Variants in GSR observed in about 807,000 individuals in gnomAD.
The protein encoded by GSR is glutathione-disulfide reductase, also known as glutathione reductase, mitochondrial.
In GSR, 48 loss-of-function variants were observed where a neutral mutation model predicts 56.5. The observed-to-expected ratio is 0.85, with a 90% CI of 0.67 to 1.08. The LOEUF is 1.08. GSR is among the 50% of genes least tolerant of loss of function. The probability of loss-of-function intolerance (pLI) is 0.00; values close to 1 mark genes in which losing one functional copy is unlikely to be tolerated. For missense variants in GSR, 694 were observed against 703.3 expected, an observed-to-expected ratio of 0.99 and a Z score of 0.15; for synonymous variants, 264 against 270.8, an observed-to-expected ratio of 0.97 and a Z score of 0.25.
chr8:30,699,992 A>G (rs1803674131), intron 6 of GSR, 89 bp downstream of exon 6: 1 of 926,520 alleles, frequency 1.1e-6, no homozygotes, highest in Non-Finnish European at 1.8e-6. Flanking sequence ...AAAGGCCTAC[A>G]TTAAATGCTT....
chr8:30,709,698 T>G, intron 3 of GSR, 116 bp downstream of exon 3: 1 of 718,252 alleles, frequency 1.4e-6, no homozygotes, highest in East Asian at 2.7e-5. Flanking sequence ...ACTGTAAATC[T>G]CGTATTGTGA....
chr8:30,708,946 G>A, intron 3 of GSR, among the ~76,000 whole-genome samples: 1 of 135,724 alleles, frequency 7.4e-6, no homozygotes, highest in Admixed American at 7.8e-5. Flanking sequence ...GTGACAGAGT[G>A]AGACTCCGTC....
At chr8:30,719,803 C>T (rs1355227829) in intron 1 of GSR, among the ~76,000 whole-genome samples, 1 of 152,142 alleles carries the variant, frequency 6.6e-6, no homozygotes, top group African/African-American at 2.4e-5. Context: ...GGGCCTGCCT[C>T]GTTACCTTCA....
intron 6 of GSR, 102 bp downstream of exon 6, chr8:30,699,979 A>C (rs1803672425): frequency 1.2e-6 from 1 of 840,530 alleles, no homozygotes; most frequent in Non-Finnish European, 2.1e-6. Flanking sequence ...GAGGGAATTC[A>C]GGAAAGGCCT....
Position 30,680,943 on chromosome 8 carries a change from T to C in GSR, c.1380A>G (p.Lys460=). 1 of 1,613,708 alleles carries C rather than the reference T, an allele frequency of 6.2e-7. No homozygotes were observed. Among genetic ancestry groups the C allele is most frequent in the South Asian group, 1.1e-5 (1 of 91,076 alleles). Residue 460 remains lysine (K), a synonymous_variant, in exon 12 of 13, where the codon AAA becomes AAG. Transcript: ENST00000221130. ...MYHAVTKRKT[K]CVMKMVCANK... is the part of the protein sequence containing the mutation. The stretch of plus-strand genomic sequence containing the variant: ...TAGCACAGACCATTTTCATCACACA[T>C]TTTGTTTTCCTTTTGGTAACTGCGT...
chr8:30,682,180 T>C lies in GSR; in HGVS notation c.1154-119A>G, dbSNP rs1586031980. The C allele has an allele frequency of 7.2e-6, 6 of 831,022 alleles. No individual in the cohort carries two copies. In the South Asian group the frequency reaches 8.1e-5, roughly 11 times the overall value. The allele number at this position is 831,022 out of a possible 1,614,324, so 51.5% of individuals were successfully genotyped here. ...CCTAGTTCTGACAGTTTCACACCAT[T>C]GTTCATTACACTATCTAGATAGTTT... On this transcript the variant is annotated intron_variant, in intron 10 of 12. Coordinates refer to ENST00000221130, the MANE Select transcript of GSR (RefSeq NM_000637.5).
chr8:30,722,168 T>C (rs980371408), intron 1 of GSR, among the ~76,000 whole-genome samples: 6 of 152,162 alleles, frequency 3.9e-5, no homozygotes, highest in Non-Finnish European at 8.8e-5. Context: ...ATATGAAGAC[T>C]AGTACAAAAA....
chr8:30,723,260 G>T (rs752324228), intron 1 of GSR, among the ~76,000 whole-genome samples: 1 of 152,062 alleles, frequency 6.6e-6, no homozygotes, highest in African/African-American at 2.4e-5. Flanking sequence ...GACTTTGGGC[G>T]ATCTTTGCAT....
intron 6 of GSR, among the ~76,000 whole-genome samples, chr8:30,697,369 G>A (rs1803580131): frequency 6.6e-6 from 1 of 151,406 alleles, no homozygotes; most frequent in South Asian, 2.1e-4. Flanking sequence ...AGCCAAGATT[G>A]CACCAATGCA....
intron 9 of GSR, among the ~76,000 whole-genome samples, chr8:30,686,029 T>A (rs1332827153): frequency 6.9e-6 from 1 of 144,286 alleles, no homozygotes; most frequent in Non-Finnish European, 1.5e-5. Context: ...CAACCTTTGG[T>A]ACAGACAGAC....
intron 6 of GSR, among the ~76,000 whole-genome samples, chr8:30,698,948 C>T (rs1470718314): frequency 6.6e-6 from 1 of 152,160 alleles, no homozygotes; most frequent in Admixed American, 6.6e-5. Flanking sequence ...ACAGCAACTT[C>T]AAATCAGAGA....
At chr8:30,697,057 GCA>G (rs1803567674) in intron 6 of GSR, among the ~76,000 whole-genome samples, 1 of 151,232 alleles carries the variant, frequency 6.6e-6, no homozygotes, top group Non-Finnish European at 1.5e-5. Flanking sequence ...GGATACCACT[GCA>G]ACTTTAAGTA....
chr8:30,714,397 C>T (rs1437574570), intron 1 of GSR, among the ~76,000 whole-genome samples: 2 of 151,864 alleles, frequency 1.3e-5, no homozygotes, highest in East Asian at 3.9e-4. Flanking sequence ...GACAGAGTCG[C>T]ACCATGTTGC....
intron 1 of GSR, among the ~76,000 whole-genome samples, chr8:30,716,327 C>A (rs1280694882): frequency 6.6e-6 from 1 of 152,188 alleles, no homozygotes; most frequent in Non-Finnish European, 1.5e-5. Context: ...AGAGAAGCTG[C>A]GCCCCAGCAC....
intron 4 of GSR, 91 bp from the exon 5 acceptor site, chr8:30,703,331 C>T (rs1027797494): frequency 2.3e-5 from 28 of 1,197,544 alleles, no homozygotes; most frequent in Non-Finnish European, 3.4e-5. Flanking sequence ...CTCTACTGAA[C>T]ATTTTGATTC....
intron 7 of GSR, among the ~76,000 whole-genome samples, chr8:30,694,016 A>G (rs998169152): frequency 1.3e-5 from 2 of 152,212 alleles, no homozygotes; most frequent in Non-Finnish European, 2.9e-5. Context: ...CTATATATAA[A>G]TTCAAGCTAG....
intron 8 of GSR, among the ~76,000 whole-genome samples, chr8:30,689,804 TATATAA>T (rs1803301133): frequency 7.0e-6 from 1 of 143,872 alleles, no homozygotes; most frequent in South Asian, 2.1e-4. Flanking sequence ...CGTATATTTA[TATATAA>T]ATATATTTAT....
At chr8:30,695,917 G>A (rs774017339) in intron 7 of GSR, among the ~76,000 whole-genome samples, 2 of 152,182 alleles carry the variant, frequency 1.3e-5, no homozygotes, top group East Asian at 1.9e-4. Context: ...GTGGATACCT[G>A]TAATCCCAGC....
Position 30,727,664 on chromosome 8 carries a change from C to A in GSR, c.172G>T (p.Ala58Ser), listed in dbSNP as rs779609339. The A allele has an allele frequency of 1.2e-4, 175 of 1,449,500 alleles. No individual in the cohort carries two copies. Among genetic ancestry groups the A allele is most frequent in the Non-Finnish European group, 1.5e-4 (171 of 1,110,364 alleles). 89.8% of individuals were successfully genotyped at this position (1,449,500 alleles called of 1,614,324 possible). ...QEPQPQGPPP[A>S]AGAVASYDYL... ...TCATAGGAGGCCACGGCGCCAGCAG[C>A]GGGCGGCGGGCCCTGCGGCTGCGGC... The change falls in exon 1 of 13, where the codon GCT becomes TCT. Residue 58 changes from alanine to serine, a missense_variant. Transcript: ENST00000221130.
Sources: gnomAD v4.1 joint callset for allele counts (sites outside exome capture counted in the v4.1 genomes callset) on GRCh38, gnomAD v4.1.1 for gene constraint, MANE v1.5 for transcripts, NCBI Gene and HGNC (gene_info 2026-07-23, HGNC 2026-07-21) for gene names.